RIC3: variants seen among roughly 807,000 people sequenced by gnomAD.
RIC3 encodes RIC3 acetylcholine receptor chaperone.
Under a neutral mutation model 27.3 loss-of-function variants are expected in RIC3, and 28 were observed. That is an observed-to-expected ratio of 1.02 (90% CI 0.76 to 1.41). The LOEUF (loss-of-function observed/expected upper bound fraction) is 1.41. Among genes scored for constraint, RIC3 ranks in the 40% most tolerant of loss-of-function variants. The pLI is 0.00. For missense variants in RIC3, 501 were observed against 444.7 expected, an observed-to-expected ratio of 1.13 and a Z score of -1.14; for synonymous variants, 184 against 160.4, an observed-to-expected ratio of 1.15 and a Z score of -1.11.
the RIC3 span, chr11:8,096,773 C>T: frequency 6.2e-7 from 1 of 1,614,174 alleles, no homozygotes; most frequent in Non-Finnish European, 8.5e-7. Flanking sequence ...GTAACACCCG[C>T]CCCAGCTCTG....
the RIC3 span, chr11:8,100,734 T>C: frequency 2.5e-6 from 4 of 1,576,198 alleles, no homozygotes; most frequent in Admixed American, 1.7e-5. Context: ...TCTAGGGAAA[T>C]CCAAGGACCC....
chr11:8,154,149 A>G (rs1050348918), intron 1 of RIC3, among the ~76,000 whole-genome samples: 8 of 152,174 alleles, frequency 5.3e-5, no homozygotes, highest in African/African-American at 1.9e-4. Flanking sequence ...CAGGTATATA[A>G]AAGTATACAT....
chr11:8,125,141 C>G (rs939315972), intron 5 of RIC3, among the ~76,000 whole-genome samples: 2 of 151,588 alleles, frequency 1.3e-5, no homozygotes, highest in South Asian at 4.2e-4. Flanking sequence ...GTAGTCCCAG[C>G]TACTAGGGAG....
intron 5 of RIC3, among the ~76,000 whole-genome samples, chr11:8,123,651 G>A (rs1946701813): frequency 6.6e-6 from 1 of 151,984 alleles, no homozygotes; most frequent in African/African-American, 2.4e-5. Context: ...TTCCTTGAAA[G>A]ATACAAACTA....
chr11:8,144,281 C>A (rs1474386147), intron 1 of RIC3, among the ~76,000 whole-genome samples: 1 of 150,684 alleles, frequency 6.6e-6, no homozygotes, highest in Admixed American at 6.6e-5. Context: ...ACCTACTCAT[C>A]TGACAAAGGG....
the RIC3 span, chr11:8,100,696 G>GA: frequency 6.1e-5 from 86 of 1,408,276 alleles, no homozygotes; most frequent in South Asian, 4.8e-4. Context: ...TGTATGTGGA[G>GA]GGGTACCATG....
downstream of RIC3, chr11:8,105,663 G>A (rs1389217082): frequency 6.6e-6 from 1 of 152,124 alleles, no homozygotes; most frequent in East Asian, 1.9e-4. Flanking sequence ...GATTTGGGGT[G>A]AATGAAAATT....
intron 4 of RIC3, 111 bp from the exon 5 acceptor site, chr11:8,126,918 G>C: frequency 8.0e-7 from 1 of 1,249,950 alleles, no homozygotes; most frequent in Non-Finnish European, 1.1e-6. Context: ...AATTGCAGCA[G>C]ATAATTATTC....
At position 8,138,349 on chromosome 11, in the gene RIC3, T is replaced by C; in HGVS notation, c.352-2A>G. 6.2e-7 allele frequency: 1 copy of C among 1,605,346 alleles called. No individual in the cohort carries two copies. The highest frequency in any genetic ancestry group is 1.1e-5 in the South Asian group (1 of 90,844). On this transcript the variant is annotated splice_acceptor_variant, in intron 2 of 5. Coordinates refer to ENST00000309737, the MANE Select transcript of RIC3 (RefSeq NM_001206671.4). LOFTEE classifies it high-confidence loss of function. ...TGCAGTTGTTTTCCCCTTTGAGAGCTGAGAATTGAAGGAGGTATAGCACAT... is the reference window on the plus strand; with the variant it reads ...TGCAGTTGTTTTCCCCTTTGAGAGCCGAGAATTGAAGGAGGTATAGCACAT...
chr11:8,109,088 C>G lies in RIC3; in HGVS notation c.*1610G>C, dbSNP rs963261630. On this transcript the variant is annotated 3_prime_UTR_variant, in exon 6 of 6. Transcript: ENST00000309737. ...ATAGATGCAATATGCTTTCTATAAA[C>G]TCAGTCTTGAATGACTTTCTGTAAC... 12 of 152,238 alleles carry G rather than the reference C, an allele frequency of 7.9e-5. No homozygotes were observed. The highest frequency in any genetic ancestry group is 2.7e-4 in the African/African-American group (11 of 41,458). 9.4% of individuals were successfully genotyped at this position (152,238 alleles called of 1,614,324 possible). A position where few individuals can be genotyped will look rare whatever the true frequency, so the allele number is the denominator to read the frequency against.
At chr11:8,101,778 T>G (rs1205103982), downstream of RIC3, 1 of 1,317,540 alleles carries the variant, frequency 7.6e-7, no homozygotes, top group African/African-American at 1.5e-5. Flanking sequence ...AACTGGCTCC[T>G]TTGCCTCTGC....
At chr11:8,128,196 T>G (rs1451163869) in intron 4 of RIC3, 1 of 457,276 alleles carries the variant, frequency 2.2e-6, no homozygotes, top group Non-Finnish European at 4.4e-6. Context: ...GTGAGGCTTC[T>G]GGGGCAGACT....
chr11:8,113,434 G>A lies in RIC3; in HGVS notation c.671-2297C>T, dbSNP rs149788292. On this transcript the variant is annotated intron_variant, in intron 5 of 5. Coordinates refer to ENST00000309737, the MANE Select transcript of RIC3 (RefSeq NM_001206671.4). ...GCTGGCCCCTGCAGATACAGACTCC[G>A]GGCCCACCCAGCATCAGGCCAGCAA... is the stretch of plus-strand genomic sequence containing the variant. Among the ~76,000 whole-genome samples, 719 of 152,046 alleles carry A rather than the reference G, an allele frequency of 4.7e-3. 2 individuals are homozygous for A. Among genetic ancestry groups the A allele is most frequent in the Non-Finnish European group, 8.1e-3 (550 of 67,948 alleles).
intron 5 of RIC3, among the ~76,000 whole-genome samples, chr11:8,121,662 G>A (rs1946469785): frequency 6.6e-6 from 1 of 152,018 alleles, no homozygotes; most frequent in South Asian, 2.1e-4. Flanking sequence ...GTTGCAGGGA[G>A]CAGATATCAA....
At chr11:8,168,074 T>C (rs1050085006) in intron 1 of RIC3, among the ~76,000 whole-genome samples, 2 of 152,204 alleles carry the variant, frequency 1.3e-5, no homozygotes, top group African/African-American at 2.4e-5. Flanking sequence ...GTCTCAAAGA[T>C]ATTACAAGGA....
chr11:8,137,379 T>A lies in RIC3; in HGVS notation c.520A>T (p.Ser174Cys). The A allele has an allele frequency of 6.2e-7, 1 of 1,612,736 alleles. No individual in the cohort carries two copies. Among genetic ancestry groups the A allele is most frequent in the Non-Finnish European group, 8.5e-7 (1 of 1,178,900 alleles). ...GAGTCCCGTTACATGAAAACCTACC[T>A]CTCACCATTAGGTCCCACTCTGTTG... Reference protein sequence around the residue: ...LINRVGPNGESRAQTVTSDQE... With the variant: ...LINRVGPNGECRAQTVTSDQE... Residue 174 changes from serine to cysteine, a missense_variant and splice_region_variant, in exon 4 of 6, where the codon AGC becomes TGC. Physicochemically the swap from Ser to Cys is moderately radical, Grantham distance 112. Coordinates refer to ENST00000309737, the MANE Select transcript of RIC3 (RefSeq NM_001206671.4).
intron 1 of RIC3, among the ~76,000 whole-genome samples, chr11:8,167,973 A>T (rs1403570347): frequency 6.6e-6 from 1 of 152,236 alleles, no homozygotes; most frequent in Non-Finnish European, 1.5e-5. Context: ...ATGTGCATAA[A>T]GCAGACGGAA....
At chr11:8,135,031 A>G (rs1223619576) in intron 4 of RIC3, among the ~76,000 whole-genome samples, 1 of 152,114 alleles carries the variant, frequency 6.6e-6, no homozygotes, top group African/African-American at 2.4e-5. Context: ...TTTTGTTGCC[A>G]TTGCTTTTGG....
intron 1 of RIC3, among the ~76,000 whole-genome samples, chr11:8,165,579 G>C (rs1327976748): frequency 6.6e-6 from 1 of 152,040 alleles, no homozygotes; most frequent in African/African-American, 2.4e-5. Context: ...GGTTTCTTTG[G>C]GGGCTGAAGA....
Sources: allele counts gnomAD v4.1 joint callset (sites outside exome capture counted in the v4.1 genomes callset), GRCh38; gene constraint gnomAD v4.1.1; transcripts MANE v1.5; gene names NCBI Gene and HGNC (gene_info 2026-07-23, HGNC 2026-07-21).